MAMDC4: variants seen among roughly 807,000 people sequenced by gnomAD.
MAMDC4 encodes apical endosomal glycoprotein.
A neutral mutation model predicts 153.3 loss-of-function variants in MAMDC4; 168 were observed. That is an observed-to-expected ratio of 1.10 (90% CI 0.97 to 1.25). The LOEUF is 1.25. Ranked by LOEUF, MAMDC4 falls within the 50% of genes most tolerant of loss-of-function variation. The pLI is 0.00. For synonymous variants in MAMDC4, 744 were observed against 651.5 expected (o/e 1.14, Z -2.16); for missense variants, 1,701 against 1,542.8 (o/e 1.10, Z -1.72).
rs922197421 is a variant in MAMDC4, at chr9:136,856,082, C to T, written c.1653C>T (p.Pro551=). ...QLGAEARVLT[P]LLGPSGPSCE... is the part of the protein sequence containing the mutation. ...GCGCTGAGGCCCGGGTCCTCACACC[C>T]CTCCTTGGCCCTTCTGGCCCCAGCT... Residue 551 remains proline (P), a synonymous_variant, in exon 14 of 27, where the codon CCC becomes CCT. Transcript: ENST00000317446. The T allele has an allele frequency of 6.2e-7, 1 of 1,612,372 alleles. No individual in the cohort carries two copies. Among genetic ancestry groups the T allele is most frequent in the Non-Finnish European group, 8.5e-7 (1 of 1,179,894 alleles).
In MAMDC4 at chr9:136,856,729, G is replaced by T. The variant is rs754388841; in HGVS notation, c.1740G>T (p.Glu580Asp). Residue 580 changes from glutamate to aspartate, a missense_variant, in exon 15 of 27, where the codon GAG becomes GAT. Glu to Asp is a conservative substitution (Grantham distance 45). Transcript: ENST00000317446. The stretch of plus-strand genomic sequence containing the variant: ...CCCCAGAGGTCTCCTGTAACTTTGA[G>T]CGGGACACATGCAGCTGGTACCCAG... ...SQPREVSCNF[E>D]RDTCSWYPGH... is the part of the protein sequence containing the mutation. 1 of 1,612,594 alleles carries T rather than the reference G, an allele frequency of 6.2e-7. No individual in the cohort carries two copies. Among genetic ancestry groups the T allele is most frequent in the African/African-American group, 1.3e-5 (1 of 74,936 alleles).
rs746696744 is a variant in MAMDC4, at chr9:136,856,008, C to T, written c.1589-10C>T. ...GGGATGAGGCTCTGAGCACCATGCTCTTCCCCTAGGGCACTTCCTGTCTCT... is the reference window on the plus strand; with the variant it reads ...GGGATGAGGCTCTGAGCACCATGCTTTTCCCCTAGGGCACTTCCTGTCTCT... On this transcript the variant is annotated splice_polypyrimidine_tract_variant and intron_variant, in intron 13 of 26. Transcript: ENST00000317446. The T allele has an allele frequency of 1.2e-6, 2 of 1,606,492 alleles. No homozygotes were observed. Among genetic ancestry groups the T allele is most frequent in the East Asian group, 2.2e-5 (1 of 44,786 alleles).
rs759733012 is a variant in MAMDC4, at chr9:136,857,354, C to G, written c.2107-13C>G. 1.2e-6 allele frequency: 2 copies of G among 1,608,198 alleles called. No homozygotes were observed. Among genetic ancestry groups the G allele is most frequent in the Admixed American group, 3.3e-5 (2 of 59,902 alleles). On this transcript the variant is annotated splice_polypyrimidine_tract_variant and intron_variant, in intron 17 of 26. Transcript: ENST00000317446. ...GGCAGGGCCCCTGGCCAGCTGACACCCTCCACCCCCAGCTGCTGTTCGAGG... is the reference window on the plus strand; with the variant it reads ...GGCAGGGCCCCTGGCCAGCTGACACGCTCCACCCCCAGCTGCTGTTCGAGG...
intron 1 of MAMDC4, 48 bp from the exon 2 acceptor site, chr9:136,853,054 G>A (rs568539334): frequency 1.3e-6 from 2 of 1,527,348 alleles, no homozygotes; most frequent in African/African-American, 1.4e-5. Context: ...AGGCTGGGAT[G>A]GCTGGTCACC....
Position 136,860,135 on chromosome 9 carries a change from C to A in MAMDC4, c.3372+71C>A, listed in dbSNP as rs544439752. 4.8e-6 allele frequency: 7 copies of A among 1,453,030 alleles called. No homozygotes were observed. The Admixed American group carries it at 1.7e-4, about 34-fold the overall frequency. 90.0% of individuals were successfully genotyped at this position (1,453,030 alleles called of 1,614,324 possible). ...TGTGACGCTGGAGGGCGGGCAGTGG[C>A]GGGACACAACCCCCCGGGGAGGAGC... On this transcript the variant is annotated intron_variant, in intron 26 of 26. Coordinates refer to ENST00000317446, the MANE Select transcript of MAMDC4 (RefSeq NM_206920.3).
chr9:136,855,271 G>C lies in MAMDC4; in HGVS notation c.1215G>C (p.Gln405His). ...GCCCTCAGATCCTCCTGGCCGGGCA[G>C]ACAGGCCCGGGGGGCGTCGTGGGTC... The part of the protein sequence containing the change: ...AYPFQILLAG[Q>H]TGPGGVVGLD... Residue 405 changes from glutamine (Q) to histidine (H), a missense_variant, in exon 11 of 27, where the codon CAG becomes CAC. Transcript: ENST00000317446. 1 of 1,599,886 alleles carries C rather than the reference G, an allele frequency of 6.3e-7. No homozygotes were observed. Among genetic ancestry groups the C allele is most frequent in the Non-Finnish European group, 8.5e-7 (1 of 1,172,980 alleles).
At position 136,856,094 on chromosome 9, in the gene MAMDC4, T is replaced by C. The variant is rs747217124; in HGVS notation, c.1665T>C (p.Pro555=). 1.9e-6 allele frequency: 3 copies of C among 1,612,452 alleles called. No homozygotes were observed. The highest frequency in any genetic ancestry group is 1.1e-5 in the South Asian group (1 of 91,080). ...GGGTCCTCACACCCCTCCTTGGCCC[T>C]TCTGGCCCCAGCTGTGAACTCCACC... ...EARVLTPLLG[P]SGPSCELHLA... Residue 555 remains proline (P), a synonymous_variant, in exon 14 of 27, where the codon CCT becomes CCC. Transcript: ENST00000317446.
In MAMDC4 at chr9:136,857,891, C is replaced by T. The variant is rs527664482; in HGVS notation, c.2465-88C>T. 3.2e-4 allele frequency: 471 copies of T among 1,491,560 alleles called. 4 individuals are homozygous for T. The South Asian group carries it at 5.1e-3, about 16-fold the overall frequency. The allele number at this position is 1,491,560 out of a possible 1,614,324, so 92.4% of individuals were successfully genotyped here. ...GCTGAGGCCACTGGGGAGCCTCTTG[C>T]GCCCGCCAGGCTGGGAGCCTGGGAG... On this transcript the variant is annotated intron_variant, in intron 19 of 26. Coordinates refer to ENST00000317446, the MANE Select transcript of MAMDC4 (RefSeq NM_206920.3).
At position 136,852,452 on chromosome 9, in the gene MAMDC4, C is replaced by T; in HGVS notation, c.36C>T (p.Val12=). Residue 12 remains valine (V), a synonymous_variant, in exon 1 of 27, where the codon GTC becomes GTT. Transcript: ENST00000317446. ...PLSSHLLPAL[V]LFLAGSSGWA... ...CCAGCCACCTGCTGCCCGCCTTGGT[C>T]CTGTTCCTGGGTAAGTAGTCTGGTC... 1 of 1,610,398 alleles carries T rather than the reference C, an allele frequency of 6.2e-7. No individual in the cohort carries two copies. Among genetic ancestry groups the T allele is most frequent in the Non-Finnish European group, 8.5e-7 (1 of 1,179,956 alleles).
chr9:136,856,671 G>C (rs527736770), intron 14 of MAMDC4, 39 bp from the exon 15 acceptor site: 26 of 1,590,398 alleles, frequency 1.6e-5, no homozygotes, highest in Admixed American at 1.0e-4. Flanking sequence ...TGGAGGGGGA[G>C]GGGAGAAGGT....
At position 136,855,530 on chromosome 9, in the gene MAMDC4, A is replaced by C. The variant is rs762788461; in HGVS notation, c.1382A>C (p.His461Pro). The stretch of plus-strand genomic sequence containing the variant: ...CTCCAGGATTCCTGCAAGCAGGGGC[A>C]TCTTGCCTGCGGGGACCTGTGTGTG... Reference protein sequence around the residue: ...SRLQDSCKQGHLACGDLCVPP... With the variant: ...SRLQDSCKQGPLACGDLCVPP... The change falls in exon 12 of 27, where the codon CAT (histidine) becomes CCT (proline). Residue 461 changes from histidine to proline, a missense_variant. Transcript: ENST00000317446. 1 of 1,593,020 alleles carries C rather than the reference A, an allele frequency of 6.3e-7. No individual in the cohort carries two copies. The highest frequency in any genetic ancestry group is 1.1e-5 in the South Asian group (1 of 88,462).
rs757266391 is a variant in MAMDC4, at chr9:136,855,541, G to A, written c.1393G>A (p.Gly465Arg). The A allele has an allele frequency of 4.4e-6, 7 of 1,591,076 alleles. No individual in the cohort carries two copies. The highest frequency in any genetic ancestry group is 4.6e-5 in the East Asian group (2 of 43,830). Residue 465 changes from glycine to arginine, a missense_variant, in exon 12 of 27, where the codon GGG becomes AGG. Gly to Arg is a moderately radical substitution (Grantham distance 125). Coordinates refer to ENST00000317446, the MANE Select transcript of MAMDC4 (RefSeq NM_206920.3). ...CTGCAAGCAGGGGCATCTTGCCTGC[G>A]GGGACCTGTGTGTGCCCCCGGAACA... The part of the protein sequence containing the change: ...DSCKQGHLAC[G>R]DLCVPPEQLC...
chr9:136,860,534 A>G, intron 26 of MAMDC4, 28 bp from the exon 27 acceptor site: 2 of 1,604,354 alleles, frequency 1.2e-6, no homozygotes, highest in Non-Finnish European at 1.7e-6. Context: ...GAAAGAAAGA[A>G]AAAAAAAGCT....
At position 136,855,014 on chromosome 9, in the gene MAMDC4, C is replaced by G; in HGVS notation, c.1101C>G (p.Ala367=). ...QLFLQTLGPG[A]PRAPVLLRRR... is the part of the protein sequence containing the mutation. ...TCCTGCAGACTCTGGGGCCCGGCGC[C>G]CCCCGGGCCCCCGTCCTGCTGCGGA... is the stretch of plus-strand genomic sequence containing the variant. The change falls in exon 10 of 27, where the codon GCC becomes GCG. Residue 367 remains alanine, a synonymous_variant. Coordinates refer to ENST00000317446, the MANE Select transcript of MAMDC4 (RefSeq NM_206920.3). The G allele has an allele frequency of 6.3e-7, 1 of 1,598,452 alleles. No individual in the cohort carries two copies. The highest frequency in any genetic ancestry group is 8.5e-7 in the Non-Finnish European group (1 of 1,175,404).
In MAMDC4 at chr9:136,858,022, G is replaced by C; in HGVS notation, c.2508G>C (p.Val836=). The part of the protein sequence containing the change: ...VYLEERGRHQ[V]LSLSAHGGLA... ...TGGAGGAGCGCGGGAGGCACCAGGT[G>C]CTCAGCCTCAGTGCCCACGGCGGGC... is the stretch of plus-strand genomic sequence containing the variant. The change falls in exon 20 of 27, where the codon GTG becomes GTC. Residue 836 remains valine (V), a synonymous_variant. Transcript: ENST00000317446. 2.6e-6 allele frequency: 4 copies of C among 1,526,800 alleles called. No individual in the cohort carries two copies. The highest frequency in any genetic ancestry group is 3.5e-6 in the Non-Finnish European group (4 of 1,140,054). The allele number at this position is 1,526,800 out of a possible 1,614,324, so 94.6% of individuals were successfully genotyped here. A position where few individuals can be genotyped will look rare whatever the true frequency, so the allele number is the denominator to read the frequency against.
At position 136,856,701 on chromosome 9, in the gene MAMDC4, C is replaced by G. The variant is rs1316604308; in HGVS notation, c.1721-9C>G. 12 of 1,612,042 alleles carry G rather than the reference C, an allele frequency of 7.4e-6. No homozygotes were observed. The highest frequency in any genetic ancestry group is 1.0e-5 in the Non-Finnish European group (12 of 1,179,512). ...GAAGGTGTGTGACGCCACCTGGCCCCACCCCCAGAGGTCTCCTGTAACTTT... is the reference window on the plus strand; with the variant it reads ...GAAGGTGTGTGACGCCACCTGGCCCGACCCCCAGAGGTCTCCTGTAACTTT... On this transcript the variant is annotated splice_polypyrimidine_tract_variant and intron_variant, in intron 14 of 26. Transcript: ENST00000317446.
At chr9:136,859,173 C>T in intron 24 of MAMDC4, 36 bp from the exon 25 acceptor site, 1 of 1,597,136 alleles carries the variant, frequency 6.3e-7, no homozygotes, top group Non-Finnish European at 8.5e-7. Context: ...CCTCCTCCAC[C>T]CAGGGCCCAC....
Position 136,857,159 on chromosome 9 carries a change from C to T in MAMDC4, c.1973-6C>T, listed in dbSNP as rs1340702837. 7 of 1,612,278 alleles carry T rather than the reference C, an allele frequency of 4.3e-6. No homozygotes were observed. Among genetic ancestry groups the T allele is most frequent in the African/African-American group, 1.3e-5 (1 of 74,932 alleles). ...GGTCAGTTATGGACTGGTCCCCTCC[C>T]TGCAGGGACTCTGCGCCTAGCCATG... is the stretch of plus-strand genomic sequence containing the variant. On this transcript the variant is annotated splice_region_variant and splice_polypyrimidine_tract_variant and intron_variant, in intron 16 of 26. Coordinates refer to ENST00000317446, the MANE Select transcript of MAMDC4 (RefSeq NM_206920.3).
At chr9:136,853,230 C>T (rs1173330982) in intron 2 of MAMDC4, 21 bp downstream of exon 2, 19 of 1,612,398 alleles carry the variant, frequency 1.2e-5, no homozygotes, top group South Asian at 2.2e-5. Flanking sequence ...ACCAGATGGG[C>T]GGGCAGGGCC....
Sources: allele counts gnomAD v4.1 joint callset, GRCh38; gene constraint gnomAD v4.1.1; transcripts MANE v1.5; gene names NCBI Gene and HGNC (gene_info 2026-07-23, HGNC 2026-07-21).